The following SMYD3 variants were observed in gnomAD, a reference collection of about 807,000 sequenced individuals.
SMYD3 encodes the protein SET and MYND domain containing 3.
A neutral mutation model predicts 57.7 loss-of-function variants in SMYD3; 36 were observed. The observed-to-expected ratio is 0.62, with a 90% confidence interval of 0.48 to 0.82. The LOEUF (loss-of-function observed/expected upper bound fraction) is 0.82, where lower values mean the gene tolerates loss of function less well. Among genes scored for constraint, SMYD3 ranks in the 40% least tolerant of loss-of-function variants. The pLI is 0.00. For missense variants in SMYD3, 515 were observed against 538.8 expected, an observed-to-expected ratio of 0.96 and a Z score of 0.44; for synonymous variants, 211 against 195.0, an observed-to-expected ratio of 1.08 and a Z score of -0.68.
At chr1:246,078,186 A>G (rs936544227) in intron 5 of SMYD3, among the ~76,000 whole-genome samples, 1 of 152,124 alleles carries the variant, frequency 6.6e-6, no homozygotes, top group African/African-American at 2.4e-5. Flanking sequence ...TTGTTATCCC[A>G]GTTTCACTCT....
At position 245,907,336 on chromosome 1, in the gene SMYD3, T is replaced by C. The variant is rs556384977; in HGVS notation, c.813+8194A>G. Reference sequence around the variant, plus strand: ...AAACATCTCATGTACTCCATAAATATATGCCCCTACTATGTACCCACAAAT... The same window carrying C: ...AAACATCTCATGTACTCCATAAATACATGCCCCTACTATGTACCCACAAAT... On this transcript the variant is annotated intron_variant, in intron 8 of 11. Transcript: ENST00000490107. Among the ~76,000 whole-genome samples, 4 of 152,304 alleles carry C rather than the reference T, an allele frequency of 2.6e-5. No homozygotes were observed. The East Asian group carries it at 5.8e-4, about 22-fold the overall frequency.
chr1:246,064,555 C>T (rs1311559048), intron 5 of SMYD3, among the ~76,000 whole-genome samples: 8 of 152,198 alleles, frequency 5.3e-5, no homozygotes, highest in African/African-American at 1.9e-4. Flanking sequence ...TACCTCATGC[C>T]TACTCCCCTC....
At chr1:246,126,628 T>A (rs1431028394) in intron 5 of SMYD3, among the ~76,000 whole-genome samples, 1 of 152,230 alleles carries the variant, frequency 6.6e-6, no homozygotes, top group East Asian at 1.9e-4. Flanking sequence ...TACACAGATG[T>A]TACATTTATA....
chr1:245,812,700 C>CAAAAAAAAAAAAAAAAAA (rs201426225), intron 10 of SMYD3, among the ~76,000 whole-genome samples: 7 of 46,586 alleles, frequency 1.5e-4, no homozygotes, highest in African/African-American at 3.3e-4. Context: ...AACAACAGTT[C>CAAAAAAAAAAAAAAAAAA]CAAAAAAAAA....
intron 5 of SMYD3, among the ~76,000 whole-genome samples, chr1:246,159,559 C>T (rs1157316035): frequency 6.6e-6 from 1 of 151,268 alleles, no homozygotes; most frequent in East Asian, 1.9e-4. Context: ...CTTTTGTAGC[C>T]CCGAAAAAAA....
chr1:246,098,285 G>A (rs953133853), intron 5 of SMYD3, among the ~76,000 whole-genome samples: 2 of 152,004 alleles, frequency 1.3e-5, no homozygotes, highest in Admixed American at 6.6e-5. Context: ...TCAAATATTC[G>A]GTCCCTGTCA....
intron 10 of SMYD3, chr1:245,814,262 T>A (rs2048661724): frequency 3.4e-6 from 2 of 583,564 alleles, no homozygotes; most frequent in African/African-American, 4.1e-5. Context: ...GGTAAACAAT[T>A]TAATAATTTC....
At chr1:246,193,178 T>C (rs1220823789) in intron 5 of SMYD3, among the ~76,000 whole-genome samples, 3 of 152,200 alleles carry the variant, frequency 2.0e-5, no homozygotes, top group Non-Finnish European at 4.4e-5. Context: ...TAAGAAAATA[T>C]GGTACTACAG....
chr1:246,276,929 G>GT (rs555085105), intron 5 of SMYD3, among the ~76,000 whole-genome samples: 1 of 149,338 alleles, frequency 6.7e-6, no homozygotes, highest in Non-Finnish European at 1.5e-5. Context: ...TACTAACTCC[G>GT]TTTTTTCACT....
intron 8 of SMYD3, among the ~76,000 whole-genome samples, chr1:245,894,885 CACAAATT>C (rs146609066): frequency 1.3e-5 from 2 of 152,218 alleles, no homozygotes; most frequent in African/African-American, 4.8e-5. Flanking sequence ...TTCACGACAC[CACAAATT>C]GTGGAGAGAC....
intron 5 of SMYD3, among the ~76,000 whole-genome samples, chr1:245,934,163 T>A (rs1007233623): frequency 4.6e-5 from 7 of 152,190 alleles, no homozygotes; most frequent in African/African-American, 1.4e-4. Flanking sequence ...TTTAGGCACA[T>A]CAAGTTTACT....
chr1:246,236,674 A>C (rs2063517155), intron 5 of SMYD3, among the ~76,000 whole-genome samples: 1 of 151,958 alleles, frequency 6.6e-6, no homozygotes, highest in African/African-American at 2.4e-5. Context: ...TCGGCCTCCC[A>C]AAGTTTTTTT....
chr1:245,835,308 C>T (rs1226424140), intron 10 of SMYD3, among the ~76,000 whole-genome samples: 3 of 151,896 alleles, frequency 2.0e-5, no homozygotes, highest in Non-Finnish European at 2.9e-5. Context: ...TTAGTAGAGA[C>T]GGAGTTTCAC....
At chr1:246,007,877 G>A (rs182746881) in intron 5 of SMYD3, among the ~76,000 whole-genome samples, 7 of 151,340 alleles carry the variant, frequency 4.6e-5, no homozygotes, top group Non-Finnish European at 7.4e-5. Flanking sequence ...GTACTCAGAC[G>A]TGGGAAACAG....
intron 1 of SMYD3, among the ~76,000 whole-genome samples, chr1:246,379,845 C>T (rs2148748606): frequency 6.6e-6 from 1 of 152,028 alleles, no homozygotes; most frequent in East Asian, 1.9e-4. Flanking sequence ...ACTGAAAATA[C>T]AAAAATTAGT....
At chr1:246,315,932 C>A (rs1337998973) in intron 5 of SMYD3, among the ~76,000 whole-genome samples, 1 of 151,680 alleles carries the variant, frequency 6.6e-6, no homozygotes. Context: ...ATTTTTGCCC[C>A]TAAAAAAAAC....
chr1:246,108,974 G>A (rs752063194), intron 5 of SMYD3, among the ~76,000 whole-genome samples: 1 of 152,080 alleles, frequency 6.6e-6, no homozygotes, highest in Non-Finnish European at 1.5e-5. Context: ...TTGACACTAG[G>A]TAGGGTTACA....
In SMYD3 at chr1:246,396,090, T is replaced by C. The variant is rs1330766347; in HGVS notation, c.165-40996A>G. On this transcript the variant is annotated intron_variant, in intron 1 of 11. Transcript: ENST00000490107. The stretch of plus-strand genomic sequence containing the variant: ...GAGCCTTTATGAGAGTGAGGGTCAC[T>C]ATATCTCATCATGTAAGGGGCCTTA... 7.9e-5 allele frequency among the ~76,000 whole-genome samples: 12 copies of C among 152,312 alleles called. No individual in the cohort carries two copies. In the East Asian group the frequency reaches 1.7e-3, roughly 22 times the overall value.
intron 1 of SMYD3, among the ~76,000 whole-genome samples, chr1:246,359,037 G>C (rs1209000469): frequency 1.3e-5 from 2 of 152,056 alleles, no homozygotes; most frequent in Non-Finnish European, 2.9e-5. Context: ...GGCTGGTTTT[G>C]AAAAGATAAA....
Sources: gnomAD v4.1 joint callset for allele counts (sites outside exome capture counted in the v4.1 genomes callset) on GRCh38, gnomAD v4.1.1 for gene constraint, MANE v1.5 for transcripts, NCBI Gene and HGNC (gene_info 2026-07-23, HGNC 2026-07-21) for gene names.